RASSF4: variants seen among roughly 807,000 people sequenced by gnomAD.
The protein encoded by RASSF4 is Ras association domain family member 4, also known as ras association domain-containing protein 4.
A neutral mutation model predicts 41.1 loss-of-function variants in RASSF4; 38 were observed. The ratio of observed to expected loss-of-function variants is 0.92; its 90% CI spans 0.71 to 1.21. RASSF4 has a LOEUF of 1.21. RASSF4 is among the 50% of genes most tolerant of loss of function. RASSF4 has a pLI of 0.00. For synonymous variants in RASSF4, 179 were observed against 163.4 expected (o/e 1.10, Z -0.73); for missense variants, 414 against 419.4 (o/e 0.99, Z 0.11).
chr10:44,974,554 G>A (rs1458706105), intron 3 of RASSF4, among the ~76,000 whole-genome samples: 2 of 152,204 alleles, frequency 1.3e-5, no homozygotes, highest in Non-Finnish European at 1.5e-5. Flanking sequence ...TGAGCCCCAA[G>A]CTAAGGGGCT....
chr10:44,971,367 T>C (rs1426459347), intron 2 of RASSF4: 2 of 393,084 alleles, frequency 5.1e-6, no homozygotes, highest in African/African-American at 4.1e-5. Flanking sequence ...CAGCAGGCCT[T>C]GTAGGAAGTG....
chr10:44,982,480 C>T (rs1841752882), intron 3 of RASSF4, 41 bp from the exon 4 acceptor site: 2 of 1,602,156 alleles, frequency 1.2e-6, no homozygotes, highest in South Asian at 2.2e-5. Flanking sequence ...GGAAGGTAGG[C>T]AGCTGCTCTG....
At chr10:44,964,911 G>A (rs1840845023) in intron 1 of RASSF4, among the ~76,000 whole-genome samples, 1 of 152,220 alleles carries the variant, frequency 6.6e-6, no homozygotes, top group South Asian at 2.1e-4. Context: ...AAGGGGATAG[G>A]GCGCAAGCAC....
At chr10:44,975,270 C>T (rs953773516) in intron 3 of RASSF4, among the ~76,000 whole-genome samples, 4 of 152,140 alleles carry the variant, frequency 2.6e-5, no homozygotes, top group African/African-American at 9.7e-5. Context: ...GAGAGAGTTG[C>T]CCCGTCCCCT....
chr10:44,985,677 G>T (rs1841897600), intron 6 of RASSF4, among the ~76,000 whole-genome samples: 1 of 152,132 alleles, frequency 6.6e-6, no homozygotes, highest in Admixed American at 6.5e-5. Flanking sequence ...TCAGGAGGAG[G>T]GTCTCAGGGT....
intron 3 of RASSF4, chr10:44,977,592 C>A (rs753621695): frequency 1.2e-6 from 2 of 1,613,188 alleles, no homozygotes; most frequent in East Asian, 4.5e-5. Flanking sequence ...CCTCTGGGGG[C>A]CCCCATGGGC....
intron 8 of RASSF4, among the ~76,000 whole-genome samples, chr10:44,990,109 C>T (rs1473598054): frequency 6.6e-6 from 1 of 152,152 alleles, no homozygotes; most frequent in African/African-American, 2.4e-5. Context: ...TCCTTGGCGC[C>T]GAGTCAGGAA....
intron 10 of RASSF4, 144 bp downstream of exon 10, chr10:44,992,146 C>A (rs761426767): frequency 2.3e-4 from 137 of 600,062 alleles, no homozygotes; most frequent in Non-Finnish European, 3.6e-4. Flanking sequence ...CCTAGCTCCC[C>A]AGCATCACCC....
intron 6 of RASSF4, among the ~76,000 whole-genome samples, chr10:44,986,263 C>T (rs1190133136): frequency 6.6e-6 from 1 of 152,164 alleles, no homozygotes; most frequent in Non-Finnish European, 1.5e-5. Flanking sequence ...TTCGCTTCTC[C>T]TCGAAGGGTC....
chr10:44,979,881 G>GGGCTGT (rs1263631493), intron 3 of RASSF4, among the ~76,000 whole-genome samples: 1 of 152,048 alleles, frequency 6.6e-6, no homozygotes, highest in Non-Finnish European at 1.5e-5. Flanking sequence ...GCTGGGGCTG[G>GGGCTGT]GGGGCTGCCA....
intron 4 of RASSF4, 49 bp downstream of exon 4, chr10:44,982,712 G>C: frequency 6.3e-7 from 1 of 1,590,812 alleles, no homozygotes; most frequent in East Asian, 2.3e-5. Context: ...GAGCTCCCGG[G>C]TTGGGGATAT....
chr10:44,986,807 T>C (rs895172426), intron 6 of RASSF4, among the ~76,000 whole-genome samples: 1 of 152,258 alleles, frequency 6.6e-6, no homozygotes, highest in African/African-American at 2.4e-5. Flanking sequence ...TTCTTAGAAC[T>C]GTGCACCATT....
intron 3 of RASSF4, among the ~76,000 whole-genome samples, chr10:44,974,777 T>C (rs552246463): frequency 1.3e-5 from 2 of 152,372 alleles, no homozygotes; most frequent in African/African-American, 2.4e-5. Context: ...CAGCGGCTCC[T>C]TGTGAGCCTT....
Position 44,975,182 on chromosome 10 carries a change from T to C in RASSF4, c.138+3334T>C, listed in dbSNP as rs557771797. Among the ~76,000 whole-genome samples the C allele has an allele frequency of 5.7e-4, 86 of 152,146 alleles. No homozygotes were observed. In the East Asian group the frequency reaches 0.017, roughly 29 times the overall value. On this transcript the variant is annotated intron_variant, in intron 3 of 10. Coordinates refer to ENST00000340258, the MANE Select transcript of RASSF4 (RefSeq NM_032023.4). ...CCTCGGCCCAGGGACCCCTCAGCAA[T>C]GAGAGAAACGGAAGGGGCTTCCCCT... is the stretch of plus-strand genomic sequence containing the variant.
intron 3 of RASSF4, among the ~76,000 whole-genome samples, chr10:44,973,718 T>C (rs191058666): frequency 6.6e-6 from 1 of 152,310 alleles, no homozygotes; most frequent in African/African-American, 2.4e-5. Context: ...TAATCCCCTC[T>C]GTAGGAACAG....
chr10:44,982,730 C>T (rs1841768680), intron 4 of RASSF4, 67 bp downstream of exon 4: 2 of 1,543,942 alleles, frequency 1.3e-6, no homozygotes, highest in Admixed American at 2.0e-5. Flanking sequence ...TATCCCGAGC[C>T]TCAGGGTGGG....
chr10:44,988,648 G>A (rs1367431701), intron 6 of RASSF4, among the ~76,000 whole-genome samples: 2 of 152,340 alleles, frequency 1.3e-5, no homozygotes, highest in Admixed American at 1.3e-4. Context: ...TGCACAGATC[G>A]CTTCGCCTTG....
chr10:44,987,273 A>AT (rs1226829217), intron 6 of RASSF4, among the ~76,000 whole-genome samples: 4 of 151,886 alleles, frequency 2.6e-5, no homozygotes, highest in African/African-American at 9.7e-5. Context: ...TAATTTTTGT[A>AT]TTTTTTGTAG....
At position 44,995,682 on chromosome 10, in the gene RASSF4, T is replaced by C. The variant is rs900473951; in HGVS notation, c.*2353T>C. ...CACCTTTTTTTCTAAATCAACATCA[T>C]ATTTGCTGTTCAGAGGCAATCTGAA... is the stretch of plus-strand genomic sequence containing the variant. On this transcript the variant is annotated 3_prime_UTR_variant, in exon 11 of 11. Transcript: ENST00000340258. 3 of 152,200 alleles carry C rather than the reference T, an allele frequency of 2.0e-5. No individual in the cohort carries two copies. The highest frequency in any genetic ancestry group is 4.4e-5 in the Non-Finnish European group (3 of 68,044). The allele number at this position is 152,200 out of a possible 1,614,324, so 9.4% of individuals were successfully genotyped here. A position where few individuals can be genotyped will look rare whatever the true frequency, so the allele number is the denominator to read the frequency against.
Sources: allele counts gnomAD v4.1 joint callset (sites outside exome capture counted in the v4.1 genomes callset), GRCh38; gene constraint gnomAD v4.1.1; transcripts MANE v1.5; gene names NCBI Gene and HGNC (gene_info 2026-07-23, HGNC 2026-07-21).